Variants in GLI3 observed in about 807,000 individuals in gnomAD.
GLI3 encodes GLI family zinc finger 3, also known as transcription activator GLI3.
Under a neutral mutation model 100.8 loss-of-function variants are expected in GLI3, and 20 were observed. The ratio of observed to expected loss-of-function variants is 0.20; its 90% confidence interval spans 0.14 to 0.29. The LOEUF is 0.29. Among genes scored for constraint, GLI3 ranks in the 10% least tolerant of loss-of-function variants. The pLI is 1.00. For missense variants in GLI3, 2,040 were observed against 2,128.5 expected, an observed-to-expected ratio of 0.96 and a Z score of 0.82; for synonymous variants, 938 against 860.5, an observed-to-expected ratio of 1.09 and a Z score of -1.58.
intron 4 of GLI3, among the ~76,000 whole-genome samples, chr7:42,060,818 T>C (rs1583520866): frequency 6.6e-6 from 1 of 152,192 alleles, no homozygotes; most frequent in East Asian, 1.9e-4. Flanking sequence ...ATAAGTGACA[T>C]TTGTTTGTAT....
chr7:42,168,387 C>T (rs1227316826), intron 2 of GLI3, among the ~76,000 whole-genome samples: 1 of 152,032 alleles, frequency 6.6e-6, no homozygotes. Flanking sequence ...ACCAGGGGCA[C>T]CAAAAAACAT....
At chr7:42,085,412 A>G (rs756782558) in intron 3 of GLI3, among the ~76,000 whole-genome samples, 14 of 152,192 alleles carry the variant, frequency 9.2e-5, no homozygotes, top group Admixed American at 2.0e-4. Context: ...ATAATAGTAT[A>G]TATCTTCTTA....
intron 2 of GLI3, among the ~76,000 whole-genome samples, chr7:42,180,919 G>A (rs553995099): frequency 5.3e-5 from 8 of 152,172 alleles, no homozygotes; most frequent in Non-Finnish European, 1.0e-4. Flanking sequence ...TTTCCTTACT[G>A]GAAAGGCGTT....
chr7:42,036,873 G>A (rs146464556), intron 7 of GLI3, among the ~76,000 whole-genome samples: 179 of 152,246 alleles, frequency 1.2e-3, no homozygotes, highest in African/African-American at 4.0e-3. Flanking sequence ...CAGGTGTGGT[G>A]GCTCACACCT....
chr7:42,193,205 A>C (rs1405312078), intron 2 of GLI3, among the ~76,000 whole-genome samples: 1 of 152,220 alleles, frequency 6.6e-6, no homozygotes, highest in Non-Finnish European at 1.5e-5. Context: ...TAAATCAAAT[A>C]AACAATGAAG....
Position 41,964,208 on chromosome 7 carries a change from C to G in GLI3, c.*122G>C, listed in dbSNP as rs1787091743. On this transcript the variant is annotated 3_prime_UTR_variant, in exon 15 of 15. Transcript: ENST00000395925. ...AAAGGAATATAATTGAAACACATCTCAGTTAGGTGAGATGAGATTGCTAAA... is the reference window on the plus strand; with the variant it reads ...AAAGGAATATAATTGAAACACATCTGAGTTAGGTGAGATGAGATTGCTAAA... The G allele has an allele frequency of 1.3e-6, 1 of 756,810 alleles. No individual in the cohort carries two copies. The highest frequency in any genetic ancestry group is 1.7e-5 in the African/African-American group (1 of 57,318). The allele number at this position is 756,810 out of a possible 1,614,324, so 46.9% of individuals were successfully genotyped here. A position where few individuals can be genotyped will look rare whatever the true frequency, so the allele number is the denominator to read the frequency against.
At chr7:42,218,443 G>T (rs1448546278) in intron 2 of GLI3, among the ~76,000 whole-genome samples, 2 of 143,580 alleles carry the variant, frequency 1.4e-5, no homozygotes, top group African/African-American at 2.5e-5. Flanking sequence ...TGCGGTTTTT[G>T]TCATTACTTT....
At chr7:42,046,242 G>A (rs1784242542) in intron 5 of GLI3, among the ~76,000 whole-genome samples, 2 of 152,154 alleles carry the variant, frequency 1.3e-5, no homozygotes, top group African/African-American at 4.8e-5. Flanking sequence ...TTCTGAGGGT[G>A]GCCTCCAGAC....
intron 11 of GLI3, 193 bp from the exon 12 acceptor site, chr7:41,977,915 T>A: frequency 1.6e-6 from 1 of 622,022 alleles, no homozygotes; most frequent in Non-Finnish European, 2.8e-6. Flanking sequence ...AGATAAAGAG[T>A]TTTCAGTGCC....
At position 41,963,356 on chromosome 7, in the gene GLI3, A is replaced by T. The variant is rs886062328; in HGVS notation, c.*974T>A. 19 of 152,254 alleles carry T rather than the reference A, an allele frequency of 1.2e-4. No homozygotes were observed. Among genetic ancestry groups the T allele is most frequent in the Middle Eastern group, 3.2e-3 (1 of 316 alleles). The allele number at this position is 152,254 out of a possible 1,614,324, so 9.4% of individuals were successfully genotyped here. ...TATATATAATCAATTCTCAGTTAAA[A>T]TGGGAAAGAGATGGAACTAATCAAC... On this transcript the variant is annotated 3_prime_UTR_variant, in exon 15 of 15. Coordinates refer to ENST00000395925, the MANE Select transcript of GLI3 (RefSeq NM_000168.6).
upstream of GLI3, among the ~76,000 whole-genome samples, chr7:42,241,880 A>G (rs147603341): frequency 3.9e-5 from 6 of 152,170 alleles, no homozygotes; most frequent in Non-Finnish European, 8.8e-5. Flanking sequence ...ACTCGCTCAC[A>G]GCGGGCATGA....
chr7:42,210,208 T>C (rs1195168078), intron 2 of GLI3, among the ~76,000 whole-genome samples: 1 of 152,042 alleles, frequency 6.6e-6, no homozygotes, highest in Non-Finnish European at 1.5e-5. Flanking sequence ...TGGTATTTGT[T>C]TACGGAGGTA....
chr7:41,968,222 T>C (rs1787242381), intron 13 of GLI3, among the ~76,000 whole-genome samples: 1 of 152,170 alleles, frequency 6.6e-6, no homozygotes, highest in Non-Finnish European at 1.5e-5. Flanking sequence ...ACTTCCTCGG[T>C]TCCAATCCCA....
intron 3 of GLI3, among the ~76,000 whole-genome samples, chr7:42,106,888 C>T (rs1785588718): frequency 6.6e-6 from 1 of 152,076 alleles, no homozygotes. Context: ...TTGGTATCTG[C>T]CCCACAGTAT....
chr7:41,995,010 G>A (rs1021501704), intron 10 of GLI3, among the ~76,000 whole-genome samples: 6 of 152,188 alleles, frequency 3.9e-5, no homozygotes, highest in Admixed American at 6.5e-5. Context: ...TAATGAATGC[G>A]CTTGCAAAAT....
chr7:42,028,797 T>A (rs1156453216), intron 7 of GLI3, among the ~76,000 whole-genome samples: 7 of 136,802 alleles, frequency 5.1e-5, no homozygotes, highest in Admixed American at 7.1e-5. Context: ...ATAATAATAA[T>A]AAATAAAAAT....
intron 3 of GLI3, among the ~76,000 whole-genome samples, chr7:42,127,737 A>T (rs1160002462): frequency 3.9e-5 from 6 of 152,240 alleles, no homozygotes; most frequent in Non-Finnish European, 8.8e-5. Flanking sequence ...GGCCTGGTGC[A>T]GTGGCTGTCG....
Position 42,044,182 on chromosome 7 carries a change from T to C in GLI3, c.826+1202A>G, listed in dbSNP as rs571627381. ...AACTAGAGGACATATGCTCGCCCTC[T>C]GTCACAGAAGAATCCAAATAGATTG... On this transcript the variant is annotated intron_variant, in intron 6 of 14. Coordinates refer to ENST00000395925, the MANE Select transcript of GLI3 (RefSeq NM_000168.6). Among the ~76,000 whole-genome samples the C allele has an allele frequency of 3.9e-5, 6 of 152,344 alleles. No individual in the cohort carries two copies. In the East Asian group the frequency reaches 1.2e-3, roughly 29 times the overall value.
intron 1 of GLI3, among the ~76,000 whole-genome samples, chr7:42,262,098 G>T (rs1352480102): frequency 6.9e-6 from 1 of 144,710 alleles, no homozygotes; most frequent in Non-Finnish European, 1.5e-5. Context: ...CACTCTCTCA[G>T]CCAGGCTGGA....
Sources: allele counts gnomAD v4.1 joint callset (sites outside exome capture counted in the v4.1 genomes callset), GRCh38; gene constraint gnomAD v4.1.1; transcripts MANE v1.5; gene names NCBI Gene and HGNC (gene_info 2026-07-23, HGNC 2026-07-21).